Variants in CSNK1G2 observed in about 807,000 individuals in gnomAD.
The protein encoded by CSNK1G2 is casein kinase 1 gamma 2.
A neutral mutation model predicts 48.0 loss-of-function variants in CSNK1G2; 11 were observed. The observed-to-expected ratio is 0.23, with a 90% confidence interval of 0.14 to 0.38. CSNK1G2 has a LOEUF of 0.38. Among genes scored for constraint, CSNK1G2 ranks in the 10% least tolerant of loss-of-function variants. CSNK1G2 has a pLI of 1.00. For missense variants in CSNK1G2, 446 were observed against 595.5 expected (o/e 0.75, Z 2.61); for synonymous variants, 337 against 254.1 (o/e 1.33, Z -3.10).
rs963334868 is a variant in CSNK1G2, at chr19:1,975,720, G to T, written c.188-2585G>T. 4.1e-6 allele frequency: 4 copies of T among 985,254 alleles called. No homozygotes were observed. In the African/African-American group the frequency reaches 7.0e-5, roughly 17 times the overall value. 61.0% of individuals were successfully genotyped at this position (985,254 alleles called of 1,614,324 possible). On this transcript the variant is annotated intron_variant, in intron 2 of 11. Coordinates refer to ENST00000255641, the MANE Select transcript of CSNK1G2 (RefSeq NM_001319.7). ...CCTGAGCTCTAAAACTTCAAACCTG[G>T]GGCAGTGTCCTGAGCTCTAAAACTT... is the stretch of plus-strand genomic sequence containing the variant.
At chr19:1,962,279 C>T (rs1049120187) in intron 1 of CSNK1G2, among the ~76,000 whole-genome samples, 4 of 148,652 alleles carry the variant, frequency 2.7e-5, no homozygotes, top group African/African-American at 1.0e-4. Context: ...TACAGTGAGT[C>T]GAGTTCGTGC....
intron 1 of CSNK1G2, among the ~76,000 whole-genome samples, chr19:1,963,405 G>A (rs1293713773): frequency 1.3e-5 from 2 of 151,088 alleles, no homozygotes; most frequent in Non-Finnish European, 2.9e-5. Context: ...GTAGAGACAG[G>A]GTTTCACCGT....
chr19:1,965,175 C>T (rs375599017), intron 1 of CSNK1G2, among the ~76,000 whole-genome samples: 8 of 150,390 alleles, frequency 5.3e-5, no homozygotes, highest in African/African-American at 2.0e-4. Context: ...GCGGGCAGAT[C>T]ACGAGGTCAG....
rs897593867 is a variant in CSNK1G2 at position 1,957,767 on chromosome 19, G to C, written c.-265-11741G>C. Among the ~76,000 whole-genome samples the C allele has an allele frequency of 3.3e-5, 5 of 152,210 alleles. No homozygotes were observed. Among genetic ancestry groups the C allele is most frequent in the African/African-American group, 1.2e-4 (5 of 41,556 alleles). ...CCAGATCTCCCCTGGAAACACTGGGGTGTGTGCTCGGTGGGTGCCGTGTGT... is the reference window on the plus strand; with the variant it reads ...CCAGATCTCCCCTGGAAACACTGGGCTGTGTGCTCGGTGGGTGCCGTGTGT... On this transcript the variant is annotated intron_variant, in intron 1 of 11. Coordinates refer to ENST00000255641, the MANE Select transcript of CSNK1G2 (RefSeq NM_001319.7). The surrounding 1 kb of genome is among the most constrained non-coding windows in gnomAD (Gnocchi z 5.4).
At position 1,969,917 on chromosome 19, in the gene CSNK1G2, G is replaced by A. The variant is rs1177832151; in HGVS notation, c.145G>A (p.Gly49Ser). The change falls in exon 2 of 12, where the codon GGC becomes AGC. Residue 49 changes from glycine (G) to serine (S), a missense_variant. This residue lies in a region of CSNK1G2 where 258 missense variants were observed against 415.9 expected (regional missense o/e 0.62). Transcript: ENST00000255641. Reference sequence around the variant, plus strand: ...GATGGTGGGCCCCAACTTCCGCGTCGGCAAGAAGATCGGCTGCGGCAACTT... The same window carrying A: ...GATGGTGGGCCCCAACTTCCGCGTCAGCAAGAAGATCGGCTGCGGCAACTT... ...VLMVGPNFRV[G>S]KKIGCGNFGE... The A allele has an allele frequency of 7.6e-7, 1 of 1,312,032 alleles. No homozygotes were observed. The highest frequency in any genetic ancestry group is 9.8e-7 in the Non-Finnish European group (1 of 1,022,092). The allele number at this position is 1,312,032 out of a possible 1,614,324, so 81.3% of individuals were successfully genotyped here.
intron 1 of CSNK1G2, among the ~76,000 whole-genome samples, chr19:1,945,248 G>A (rs940521837): frequency 6.6e-6 from 1 of 152,338 alleles, no homozygotes; most frequent in East Asian, 1.9e-4. Context: ...CAGGGGAGCC[G>A]CTTCTCAGAC....
rs532336374 is a variant in CSNK1G2, at chr19:1,976,257, G to C, written c.188-2048G>C. 11 of 482,616 alleles carry C rather than the reference G, an allele frequency of 2.3e-5. No individual in the cohort carries two copies. In the East Asian group the frequency reaches 5.6e-4, roughly 25 times the overall value. The allele number at this position is 482,616 out of a possible 1,614,324, so 29.9% of individuals were successfully genotyped here. A position where few individuals can be genotyped will look rare whatever the true frequency, so the allele number is the denominator to read the frequency against. ...ATTTGTTCTGAAAACGCGGGGACCA[G>C]CCCTGGTCCCCGGCTCAGGACTGGA... On this transcript the variant is annotated intron_variant, in intron 2 of 11. Transcript: ENST00000255641.
intron 1 of CSNK1G2, chr19:1,952,789 C>G (rs568500608): frequency 3.6e-4 from 117 of 322,718 alleles, no homozygotes; most frequent in African/African-American, 2.5e-3. Context: ...CTGGGCAGCT[C>G]CCCAGGACCA....
At chr19:1,970,165 C>T (rs932819506) in intron 2 of CSNK1G2, among the ~76,000 whole-genome samples, 4 of 152,238 alleles carry the variant, frequency 2.6e-5, no homozygotes, top group Non-Finnish European at 2.9e-5. Context: ...GAGTGGGTTT[C>T]TGGCCCTGTC....
chr19:1,956,077 A>G (rs2014988403), intron 1 of CSNK1G2, among the ~76,000 whole-genome samples: 1 of 152,076 alleles, frequency 6.6e-6, no homozygotes, highest in Non-Finnish European at 1.5e-5. Flanking sequence ...CCCCTTTCTC[A>G]TCCTCCTGCC....
intron 1 of CSNK1G2, among the ~76,000 whole-genome samples, chr19:1,948,952 C>T (rs1401335298): frequency 6.6e-6 from 1 of 152,066 alleles, no homozygotes; most frequent in African/African-American, 2.4e-5. Flanking sequence ...TTGCTCTTCA[C>T]GCAGTGGAAG....
intron 2 of CSNK1G2, among the ~76,000 whole-genome samples, chr19:1,972,150 C>T (rs910743597): frequency 6.6e-5 from 10 of 152,232 alleles, no homozygotes; most frequent in East Asian, 5.8e-4. Context: ...CGCGGGCAGC[C>T]GCACATCGTG....
chr19:1,964,266 C>G (rs2015292508), intron 1 of CSNK1G2, among the ~76,000 whole-genome samples: 1 of 150,848 alleles, frequency 6.6e-6, no homozygotes, highest in Non-Finnish European at 1.5e-5. Context: ...GCACTCCTGC[C>G]TGGGTGACAG....
At position 1,957,396 on chromosome 19, in the gene CSNK1G2, C is replaced by T. The variant is rs959628807; in HGVS notation, c.-265-12112C>T. ...GATGTCCCGGGATGCACCAGGCGCT[C>T]GTGCAAACCAAGTGCTGAGCAGAGA... On this transcript the variant is annotated intron_variant, in intron 1 of 11. Coordinates refer to ENST00000255641, the MANE Select transcript of CSNK1G2 (RefSeq NM_001319.7). This position sits in a 1 kb window ranked among gnomAD's most constrained non-coding sequence, Gnocchi z 5.4. Among the ~76,000 whole-genome samples, 8 of 152,212 alleles carry T rather than the reference C, an allele frequency of 5.3e-5. No individual in the cohort carries two copies. Among genetic ancestry groups the T allele is most frequent in the South Asian group, 2.1e-4 (1 of 4,834 alleles).
intron 1 of CSNK1G2, among the ~76,000 whole-genome samples, chr19:1,945,189 G>T (rs1035094602): frequency 6.6e-6 from 1 of 152,188 alleles, no homozygotes; most frequent in African/African-American, 2.4e-5. Flanking sequence ...CGCCCGCAAG[G>T]TTGCCAGGGC....
chr19:1,960,257 C>T (rs554327795), intron 1 of CSNK1G2, among the ~76,000 whole-genome samples: 4 of 152,328 alleles, frequency 2.6e-5, no homozygotes, highest in East Asian at 1.9e-4. Flanking sequence ...CCCCGGATGG[C>T]GCCTGCCCCT....
chr19:1,975,794 G>T, intron 2 of CSNK1G2: 1 of 983,930 alleles, frequency 1.0e-6, no homozygotes, highest in Non-Finnish European at 1.2e-6. Flanking sequence ...CCAACACTTT[G>T]GGAGGCTGAT....
rs184027491 is a variant in CSNK1G2, at chr19:1,980,459, A to G, written c.*256A>G. 7.3e-6 allele frequency: 4 copies of G among 546,020 alleles called. No homozygotes were observed. In the South Asian group the frequency reaches 8.4e-5, roughly 11 times the overall value. 33.8% of individuals were successfully genotyped at this position (546,020 alleles called of 1,614,324 possible). On this transcript the variant is annotated 3_prime_UTR_variant, in exon 12 of 12. Coordinates refer to ENST00000255641, the MANE Select transcript of CSNK1G2 (RefSeq NM_001319.7). The stretch of plus-strand genomic sequence containing the variant: ...CCCTCCAAGAGCATTAACTATTTAA[A>G]ACAAGGAAAAGAGGAAAAAAAAAAC...
chr19:1,961,840 A>G (rs754566212), intron 1 of CSNK1G2, among the ~76,000 whole-genome samples: 1 of 152,198 alleles, frequency 6.6e-6, no homozygotes, highest in Non-Finnish European at 1.5e-5. Flanking sequence ...AGCTCAAGAA[A>G]TCCGCTGGCC....
Sources: gnomAD v4.1 joint callset for allele counts (sites outside exome capture counted in the v4.1 genomes callset) on GRCh38, gnomAD v4.1.1 for gene constraint, gnomAD v4.1.1 regional missense constraint, Gnocchi (gnomAD v3.1) non-coding constraint, MANE v1.5 for transcripts, NCBI Gene and HGNC (gene_info 2026-07-23, HGNC 2026-07-21) for gene names.